BIN3: variants seen among roughly 807,000 people sequenced by gnomAD.
BIN3 encodes the protein bridging integrator 3.
A neutral mutation model predicts 38.2 loss-of-function variants in BIN3; 41 were observed. The ratio of observed to expected loss-of-function variants is 1.07; its 90% CI spans 0.84 to 1.39. BIN3 has a LOEUF of 1.39. BIN3 is among the 40% of genes most tolerant of loss of function. BIN3 has a pLI of 0.00. For synonymous variants in BIN3, 145 were observed against 122.6 expected (o/e 1.18, Z -1.21); for missense variants, 361 against 324.3 (o/e 1.11, Z -0.87).
intron 4 of BIN3, among the ~76,000 whole-genome samples, chr8:22,632,308 G>T (rs1397019843): frequency 6.6e-6 from 1 of 152,178 alleles, no homozygotes; most frequent in African/African-American, 2.4e-5. Flanking sequence ...CCTCCGCCAG[G>T]CCCCTTCACC....
intron 1 of BIN3, among the ~76,000 whole-genome samples, chr8:22,648,795 A>G (rs1049256137): frequency 6.6e-6 from 1 of 152,208 alleles, no homozygotes; most frequent in African/African-American, 2.4e-5. Flanking sequence ...ATTTTGGGTT[A>G]TAATCTAATA....
chr8:22,621,350 A>G lies in BIN3; in HGVS notation c.*72T>C. The G allele has an allele frequency of 6.6e-7, 1 of 1,526,046 alleles. No homozygotes were observed. The highest frequency in any genetic ancestry group is 8.8e-7 in the Non-Finnish European group (1 of 1,131,318). The allele number at this position is 1,526,046 out of a possible 1,614,324, so 94.5% of individuals were successfully genotyped here. A position where few individuals can be genotyped will look rare whatever the true frequency, so the allele number is the denominator to read the frequency against. Reference sequence around the variant, plus strand: ...TCTGTCCCCAGCCTGTGAGAGGAGCAGCTAGCCCTGAGAAGGGCAAGGATG... The same window carrying G: ...TCTGTCCCCAGCCTGTGAGAGGAGCGGCTAGCCCTGAGAAGGGCAAGGATG... On this transcript the variant is annotated 3_prime_UTR_variant, in exon 9 of 9. Transcript: ENST00000276416.
intron 4 of BIN3, among the ~76,000 whole-genome samples, chr8:22,632,661 A>C (rs1268772526): frequency 1.3e-5 from 2 of 151,582 alleles, no homozygotes; most frequent in Non-Finnish European, 2.9e-5. Context: ...TGAGGAAAAC[A>C]ACCCAAAAAG....
chr8:22,651,553 T>C (rs913126895), intron 1 of BIN3, among the ~76,000 whole-genome samples: 1 of 152,226 alleles, frequency 6.6e-6, no homozygotes, highest in African/African-American at 2.4e-5. Flanking sequence ...ACCTTGTTCT[T>C]CTACCTGCAG....
intron 1 of BIN3, among the ~76,000 whole-genome samples, chr8:22,654,454 C>A (rs956401916): frequency 5.3e-5 from 8 of 152,184 alleles, no homozygotes; most frequent in African/African-American, 1.9e-4. Context: ...ACATTTTCAT[C>A]ACACCAAAAA....
chr8:22,637,723 T>C (rs1008585457), intron 2 of BIN3, among the ~76,000 whole-genome samples: 1 of 152,194 alleles, frequency 6.6e-6, no homozygotes, highest in Non-Finnish European at 1.5e-5. Flanking sequence ...CTTATGGGCA[T>C]GCAATGGGAA....
intron 1 of BIN3, among the ~76,000 whole-genome samples, chr8:22,667,540 T>C (rs1421759431): frequency 6.6e-6 from 1 of 152,198 alleles, no homozygotes; most frequent in African/African-American, 2.4e-5. Flanking sequence ...GATATCTATA[T>C]TGCAAGACTG....
chr8:22,634,128 G>T (rs938391917), intron 4 of BIN3, among the ~76,000 whole-genome samples: 1 of 152,252 alleles, frequency 6.6e-6, no homozygotes, highest in Non-Finnish European at 1.5e-5. Flanking sequence ...AGGAAGGAAA[G>T]GAAGCAATGG....
chr8:22,656,143 G>T (rs1298732608), intron 1 of BIN3, among the ~76,000 whole-genome samples: 1 of 151,320 alleles, frequency 6.6e-6, no homozygotes, highest in Admixed American at 6.6e-5. Context: ...AACTTTTGAA[G>T]ATCCTATTTT....
chr8:22,629,951 G>C lies in BIN3; in HGVS notation c.338+13C>G. ...CATAAGTGCCCCGAGGCCCCCAGGT[G>C]ACATTTACTCACTTTTTTAAGGGCT... On this transcript the variant is annotated intron_variant, in intron 6 of 8. Coordinates refer to ENST00000276416, the MANE Select transcript of BIN3 (RefSeq NM_018688.6). The C allele has an allele frequency of 6.2e-7, 1 of 1,603,148 alleles. No homozygotes were observed. The highest frequency in any genetic ancestry group is 8.5e-7 in the Non-Finnish European group (1 of 1,174,022).
In BIN3 at chr8:22,623,936, A is replaced by G. The variant is rs1871900; in HGVS notation, c.594T>C (p.Phe198=). Residue 198 remains phenylalanine (F), a synonymous_variant, in exon 8 of 9, where the codon TTT becomes TTC. Coordinates refer to ENST00000276416, the MANE Select transcript of BIN3 (RefSeq NM_018688.6). ...TCACCTGAGCTCGGATGAGGGACTC[A>G]AAGCTGGGCTGGAAGTAGTCGAGGC... ...GSRLDYFQPS[F]ESLIRAQVVY... 703,533 of 1,610,372 alleles carry G rather than the reference A, an allele frequency of 0.44. 156,185 individuals carry two copies. Among genetic ancestry groups the G allele is most frequent in the African/African-American group, 0.58 (43,426 of 74,908 alleles).
intron 2 of BIN3, among the ~76,000 whole-genome samples, chr8:22,642,357 A>C (rs1802591262): frequency 6.6e-6 from 1 of 152,206 alleles, no homozygotes. Flanking sequence ...TGGGTGGGGA[A>C]TGAGACTGAA....
chr8:22,651,161 T>C (rs1054157240), intron 1 of BIN3, among the ~76,000 whole-genome samples: 1 of 152,226 alleles, frequency 6.6e-6, no homozygotes, highest in Non-Finnish European at 1.5e-5. Context: ...CAGTAATACA[T>C]AAATAACATG....
chr8:22,657,094 G>C (rs1803079857), intron 1 of BIN3, among the ~76,000 whole-genome samples: 1 of 152,186 alleles, frequency 6.6e-6, no homozygotes. Context: ...ACTATGCTAG[G>C]TTCTAGGGAT....
Position 22,629,927 on chromosome 8 carries a change from A to T in BIN3, c.338+37T>A, listed in dbSNP as rs367855217. ...AAGTGGCTGCTGACCTGCCTCTCCC[A>T]TAAGTGCCCCGAGGCCCCCAGGTGA... On this transcript the variant is annotated intron_variant, in intron 6 of 8. Coordinates refer to ENST00000276416, the MANE Select transcript of BIN3 (RefSeq NM_018688.6). The T allele has an allele frequency of 5.0e-5, 78 of 1,572,918 alleles. No homozygotes were observed. The African/African-American group carries it at 9.2e-4, about 18-fold the overall frequency.
intron 2 of BIN3, among the ~76,000 whole-genome samples, chr8:22,639,778 C>G (rs949802647): frequency 6.6e-6 from 1 of 152,194 alleles, no homozygotes; most frequent in African/African-American, 2.4e-5. Flanking sequence ...AAACTAGCAG[C>G]CAGGGAAACC....
chr8:22,652,553 C>A (rs987235546), intron 1 of BIN3, among the ~76,000 whole-genome samples: 1 of 152,224 alleles, frequency 6.6e-6, no homozygotes, highest in African/African-American at 2.4e-5. Flanking sequence ...CCTTGGCACT[C>A]TGAGGGTGTG....
chr8:22,622,907 G>A (rs191247736), intron 8 of BIN3, among the ~76,000 whole-genome samples: 2 of 152,362 alleles, frequency 1.3e-5, no homozygotes, highest in African/African-American at 4.8e-5. Context: ...GTGGGTCACT[G>A]ACAAGGTCCC....
chr8:22,659,128 T>G (rs1262306207), intron 1 of BIN3, among the ~76,000 whole-genome samples: 1 of 152,328 alleles, frequency 6.6e-6, no homozygotes, highest in East Asian at 1.9e-4. Context: ...CAGCTGCTGG[T>G]TGGATGCCAT....
Sources: gnomAD v4.1 joint callset for allele counts (sites outside exome capture counted in the v4.1 genomes callset) on GRCh38, gnomAD v4.1.1 for gene constraint, MANE v1.5 for transcripts, NCBI Gene and HGNC (gene_info 2026-07-23, HGNC 2026-07-21) for gene names.